Variants in COP1 observed in about 807,000 individuals in gnomAD.
The protein encoded by COP1 is E3 ubiquitin-protein ligase COP1.
A neutral mutation model predicts 101.3 loss-of-function variants in COP1; 24 were observed. That is an observed-to-expected ratio of 0.24 (90% CI 0.17 to 0.33). The LOEUF is 0.33. COP1 is among the 10% of genes least tolerant of loss of function. The pLI, the probability that COP1 is intolerant of heterozygous loss-of-function variation, is 1.00. For missense variants in COP1, 663 were observed against 906.2 expected (o/e 0.73, Z 3.45); for synonymous variants, 347 against 341.9 (o/e 1.01, Z -0.17).
chr1:176,123,699 T>C (rs115947821), intron 8 of COP1, among the ~76,000 whole-genome samples: 2,032 of 152,228 alleles, frequency 0.013, 29 homozygotes, highest in South Asian at 0.029. Context: ...CTTTACAGAG[T>C]AGAGTAAAAG....
chr1:176,058,116 C>A (rs1443271794), intron 11 of COP1, among the ~76,000 whole-genome samples: 1 of 112,770 alleles, frequency 8.9e-6, no homozygotes, highest in East Asian at 3.9e-4. Context: ...CCAGCCACCC[C>A]GTCGGGAGGG....
chr1:175,976,296 T>TTTTTTTTTTTG (rs1553284850), intron 18 of COP1, among the ~76,000 whole-genome samples: 5 of 137,400 alleles, frequency 3.6e-5, no homozygotes, highest in Admixed American at 7.5e-5. Context: ...TTTTTTTTTT[T>TTTTTTTTTTTG]AGACAGAGTC....
chr1:175,998,084 A>G (rs1408611115), intron 15 of COP1, among the ~76,000 whole-genome samples: 160 of 136,968 alleles, frequency 1.2e-3, no homozygotes, highest in Non-Finnish European at 2.4e-3. Context: ...AAAAAAAAAA[A>G]AAAAAAGAAA....
At chr1:176,130,970 T>C (rs950270982) in intron 8 of COP1, among the ~76,000 whole-genome samples, 10 of 151,800 alleles carry the variant, frequency 6.6e-5, no homozygotes, top group Admixed American at 6.6e-5. Flanking sequence ...GAAAAAAGAA[T>C]AGAAAGACTT....
At chr1:176,195,588 T>C (rs1324657336) in intron 1 of COP1, among the ~76,000 whole-genome samples, 1 of 152,106 alleles carries the variant, frequency 6.6e-6, no homozygotes, top group Non-Finnish European at 1.5e-5. Context: ...CGAGTCTCTA[T>C]AAAAAGGACT....
chr1:176,162,392 T>C (rs1312291145), intron 5 of COP1, among the ~76,000 whole-genome samples: 3 of 152,226 alleles, frequency 2.0e-5, no homozygotes, highest in Non-Finnish European at 4.4e-5. Context: ...TTACATTACA[T>C]TAAATAAGAT....
At chr1:176,085,120 T>C (rs1378972061) in intron 10 of COP1, among the ~76,000 whole-genome samples, 2 of 152,188 alleles carry the variant, frequency 1.3e-5, no homozygotes, top group African/African-American at 4.8e-5. Context: ...CATCTTTGCA[T>C]ATGTTATTTC....
At chr1:175,988,227 G>A in intron 17 of COP1, 61 bp downstream of exon 17, 1 of 1,485,230 alleles carries the variant, frequency 6.7e-7, no homozygotes, top group Non-Finnish European at 9.2e-7. Flanking sequence ...TATTTCCACT[G>A]AGTTCAATTT....
chr1:176,165,391 T>G (rs918657142), intron 3 of COP1, among the ~76,000 whole-genome samples: 15 of 145,060 alleles, frequency 1.0e-4, no homozygotes, highest in East Asian at 2.0e-4. Context: ...TGTGTGTGTG[T>G]GTGTGTGTGT....
chr1:176,069,497 G>C (rs538585856), intron 11 of COP1, among the ~76,000 whole-genome samples: 1 of 151,936 alleles, frequency 6.6e-6, no homozygotes, highest in African/African-American at 2.4e-5. Context: ...TCCTCCAATC[G>C]AGTATTCCTC....
Position 175,976,467 on chromosome 1 carries a change from G to A in COP1, c.2133+10476C>T, listed in dbSNP as rs115675355. Among the ~76,000 whole-genome samples, 1,015 of 151,534 alleles carry A rather than the reference G, an allele frequency of 6.7e-3. 8 individuals carry two copies. Among genetic ancestry groups the A allele is most frequent in the African/African-American group, 0.023 (958 of 41,322 alleles). ...TAATTATTGTATTTTTAGTGTAGAC[G>A]GGGTTTCAACATGTTGGGCAGGCTG... On this transcript the variant is annotated intron_variant, in intron 18 of 19. Transcript: ENST00000367669.
At chr1:176,189,370 A>T (rs1698847828) in intron 1 of COP1, among the ~76,000 whole-genome samples, 1 of 151,616 alleles carries the variant, frequency 6.6e-6, no homozygotes, top group Non-Finnish European at 1.5e-5. Context: ...GTTTCTAGGG[A>T]CAGTATTATG....
intron 6 of COP1, among the ~76,000 whole-genome samples, chr1:176,142,499 AG>A (rs545697073): frequency 1.4e-3 from 218 of 152,286 alleles, no homozygotes; most frequent in African/African-American, 4.8e-3. Flanking sequence ...AGACAGTAAT[AG>A]GTATAACAAG....
chr1:176,047,633 G>A (rs1299904175), intron 11 of COP1, among the ~76,000 whole-genome samples: 1 of 152,116 alleles, frequency 6.6e-6, no homozygotes, highest in African/African-American at 2.4e-5. Flanking sequence ...TATCTATTAA[G>A]CATTCATTTA....
intron 15 of COP1, among the ~76,000 whole-genome samples, chr1:175,998,033 GCAC>G (rs1455852954): frequency 4.8e-5 from 6 of 125,828 alleles, no homozygotes; most frequent in African/African-American, 1.9e-4. Context: ...TGCACAATGT[GCAC>G]ATGTACCCTA....
intron 3 of COP1, among the ~76,000 whole-genome samples, chr1:176,170,801 A>G (rs1695929538): frequency 6.6e-6 from 1 of 152,106 alleles, no homozygotes; most frequent in East Asian, 1.9e-4. Flanking sequence ...CTCTCCAGCA[A>G]TTAAAGTCCT....
chr1:175,951,462 A>ATATAT (rs1491471530), intron 18 of COP1, among the ~76,000 whole-genome samples: 2 of 49,636 alleles, frequency 4.0e-5, no homozygotes, highest in Non-Finnish European at 8.9e-5. Context: ...ATATATATAT[A>ATATAT]AAAACTTCCA....
chr1:175,987,163 C>G, intron 17 of COP1, 60 bp from the exon 18 acceptor site: 1 of 913,646 alleles, frequency 1.1e-6, no homozygotes. Flanking sequence ...TAGGACATCA[C>G]AGTCTAATAG....
At chr1:176,064,497 T>C (rs529407146) in intron 11 of COP1, among the ~76,000 whole-genome samples, 2 of 152,190 alleles carry the variant, frequency 1.3e-5, no homozygotes, top group Non-Finnish European at 2.9e-5. Context: ...AACACAGTAA[T>C]GTGAATAGCC....
Sources: allele counts gnomAD v4.1 joint callset (sites outside exome capture counted in the v4.1 genomes callset), GRCh38; gene constraint gnomAD v4.1.1; transcripts MANE v1.5; gene names NCBI Gene and HGNC (gene_info 2026-07-23, HGNC 2026-07-21).